EVC: variants seen among roughly 807,000 people sequenced by gnomAD.
EVC encodes EvC ciliary complex subunit 1, also known as evC complex member EVC.
A neutral mutation model predicts 118.9 loss-of-function variants in EVC; 116 were observed. The observed-to-expected ratio is 0.98, with a 90% confidence interval of 0.84 to 1.14. The LOEUF (loss-of-function observed/expected upper bound fraction) is 1.14, where lower values mean the gene tolerates loss of function less well. EVC is among the 50% of genes most tolerant of loss of function. The pLI, the probability that EVC is intolerant of heterozygous loss-of-function variation, is 0.00. For synonymous variants in EVC, 619 were observed against 534.7 expected (o/e 1.16, Z -2.18); for missense variants, 1,401 against 1,246.4 (o/e 1.12, Z -1.87).
the EVC span, among the ~76,000 whole-genome samples, chr4:5,822,493 A>AGGG: frequency 1.6e-4 from 22 of 134,158 alleles, no homozygotes; most frequent in Non-Finnish European, 1.8e-4. Flanking sequence ...GTGGATCTGA[A>AGGG]GGGGGGGGGG....
At chr4:5,715,459 T>C (rs1723781034) in intron 1 of EVC, among the ~76,000 whole-genome samples, 1 of 152,176 alleles carries the variant, frequency 6.6e-6, no homozygotes, top group African/African-American at 2.4e-5. Context: ...TACATGTTCT[T>C]AAAGTTTGAG....
chr4:5,719,315 C>T lies in EVC; in HGVS notation c.242C>T (p.Ser81Phe), dbSNP rs752462640. 1.4e-5 allele frequency: 23 copies of T among 1,614,008 alleles called. No homozygotes were observed. Among genetic ancestry groups the T allele is most frequent in the South Asian group, 5.5e-5 (5 of 91,080 alleles). ...GCGCAGACCCCCTCGGAAACTGGCT[C>T]CCCATCAAGGAGGAGGAAGAGAGAA... is the stretch of plus-strand genomic sequence containing the variant. ...SNAQTPSETG[S>F]PSRRRKREVQ... Residue 81 changes from serine (S) to phenylalanine (F), a missense_variant, in exon 2 of 21, where the codon TCC becomes TTC. Coordinates refer to ENST00000264956, the MANE Select transcript of EVC (RefSeq NM_153717.3). This position sits in a 1 kb window ranked among gnomAD's most constrained non-coding sequence, Gnocchi z 4.7.
At chr4:5,723,140 G>A (rs918416884) in intron 2 of EVC, among the ~76,000 whole-genome samples, 2 of 152,086 alleles carry the variant, frequency 1.3e-5, no homozygotes, top group Non-Finnish European at 2.9e-5. Flanking sequence ...TCCATCCCCA[G>A]GTGCTGCGCC....
chr4:5,802,827 G>A (rs772004821), intron 16 of EVC, among the ~76,000 whole-genome samples: 5 of 152,188 alleles, frequency 3.3e-5, no homozygotes, highest in African/African-American at 9.7e-5. Flanking sequence ...TGCCGCTCAC[G>A]TCTTGCTGTG....
At chr4:5,773,695 A>C (rs1446534343) in intron 11 of EVC, among the ~76,000 whole-genome samples, 1 of 152,004 alleles carries the variant, frequency 6.6e-6, no homozygotes, top group Admixed American at 6.5e-5. Context: ...TCCTTTTTTA[A>C]GGGAGTTGGC....
Position 5,731,628 on chromosome 4 carries a change from C to A in EVC, c.588C>A (p.Asn196Lys). 1.2e-6 allele frequency: 2 copies of A among 1,614,158 alleles called. No homozygotes were observed. Among genetic ancestry groups the A allele is most frequent in the Non-Finnish European group, 1.7e-6 (2 of 1,180,026 alleles). Reference protein sequence around the residue: ...RFLSRTFLRVNAFPEVLACES... With the variant: ...RFLSRTFLRVKAFPEVLACES... ...TCAGCCGCACCTTCCTCCGGGTGAA[C>A]GCCTTCCCTGAAGTGCTGGCCTGCG... The change falls in exon 4 of 21, where the codon AAC becomes AAA. Residue 196 changes from asparagine to lysine, a missense_variant. Coordinates refer to ENST00000264956, the MANE Select transcript of EVC (RefSeq NM_153717.3). This position sits in a 1 kb window ranked among gnomAD's most constrained non-coding sequence, Gnocchi z 5.6.
intron 15 of EVC, among the ~76,000 whole-genome samples, chr4:5,800,980 TCTGGC>T (rs1367962173): frequency 2.0e-5 from 3 of 152,246 alleles, no homozygotes; most frequent in African/African-American, 4.8e-5. Flanking sequence ...GATGAGCTTT[TCTGGC>T]TTTTGCCCAT....
At position 5,798,589 on chromosome 4, in the gene EVC, G is replaced by C; in HGVS notation, c.2101G>C (p.Ala701Pro). 1 of 1,562,038 alleles carries C rather than the reference G, an allele frequency of 6.4e-7. No homozygotes were observed. Among genetic ancestry groups the C allele is most frequent in the Non-Finnish European group, 8.7e-7 (1 of 1,154,172 alleles). The change falls in exon 15 of 21, where the codon GCG becomes CCG. Residue 701 changes from alanine (A) to proline (P), a missense_variant. Ala to Pro is a conservative substitution (Grantham distance 27, BLOSUM62 -1). Coordinates refer to ENST00000264956, the MANE Select transcript of EVC (RefSeq NM_153717.3). The surrounding 1 kb of genome is among the most constrained non-coding windows in gnomAD (Gnocchi z 4.1). Reference protein sequence around the residue: ...HQWQLLRALEARVLEEASRLE... With the variant: ...HQWQLLRALEPRVLEEASRLE... ...CTCCCAGTCCTTTCCCTCCCAGGAGGCGCGTGTGCTGGAGGAGGCCAGCCG... is the reference window on the plus strand; with the variant it reads ...CTCCCAGTCCTTTCCCTCCCAGGAGCCGCGTGTGCTGGAGGAGGCCAGCCG...
At chr4:5,741,432 C>T (rs1220466319) in intron 5 of EVC, among the ~76,000 whole-genome samples, 1 of 152,168 alleles carries the variant, frequency 6.6e-6, no homozygotes, top group African/African-American at 2.4e-5. Context: ...TGTGGAGGGC[C>T]TTGCACAGAG....
chr4:5,731,793 T>A lies in EVC; in HGVS notation c.617+136T>A. ...GCCAGGGACACACAGCGACCCAGCG[T>A]CACCATCGGAGCCCCAGAGGCCTTT... On this transcript the variant is annotated intron_variant, in intron 4 of 20. Transcript: ENST00000264956. The surrounding 1 kb of genome is among the most constrained non-coding windows in gnomAD (Gnocchi z 5.6). The A allele has an allele frequency of 1.1e-6, 1 of 878,844 alleles. No homozygotes were observed. The highest frequency in any genetic ancestry group is 1.4e-5 in the South Asian group (1 of 69,486). 54.4% of individuals were successfully genotyped at this position (878,844 alleles called of 1,614,324 possible).
intron 11 of EVC, among the ~76,000 whole-genome samples, chr4:5,781,168 A>G (rs1485261511): frequency 6.6e-6 from 1 of 152,144 alleles, no homozygotes; most frequent in East Asian, 1.9e-4. Flanking sequence ...GGAGACCTCG[A>G]ATTGATTTTT....
In EVC at chr4:5,743,411, A is replaced by G. The variant is rs1728903006; in HGVS notation, c.801+1597A>G. On this transcript the variant is annotated intron_variant, in intron 6 of 20. Coordinates refer to ENST00000264956, the MANE Select transcript of EVC (RefSeq NM_153717.3). The surrounding 1 kb of genome is among the most constrained non-coding windows in gnomAD (Gnocchi z 4.7). ...TGCCATCATTTTCATTATCATCATC[A>G]TTGTTATTGTCATCATTTTCATTAC... Among the ~76,000 whole-genome samples, 2 of 151,892 alleles carry G rather than the reference A, an allele frequency of 1.3e-5. No individual in the cohort carries two copies. The highest frequency in any genetic ancestry group is 2.9e-5 in the Non-Finnish European group (2 of 67,976).
intron 11 of EVC, among the ~76,000 whole-genome samples, chr4:5,764,130 A>G (rs1732492879): frequency 6.9e-6 from 1 of 144,784 alleles, no homozygotes; most frequent in Non-Finnish European, 1.5e-5. Context: ...GAATTTTGTC[A>G]AAGGCCTTTT....
chr4:5,817,534 T>C (rs1717900957), downstream of EVC, among the ~76,000 whole-genome samples: 1 of 152,210 alleles, frequency 6.6e-6, no homozygotes, highest in Non-Finnish European at 1.5e-5. Context: ...CTCTAAAATC[T>C]CTGCAGGTCT....
intron 12 of EVC, among the ~76,000 whole-genome samples, chr4:5,784,198 TC>T (rs1443119059): frequency 6.6e-6 from 1 of 151,976 alleles, no homozygotes; most frequent in African/African-American, 2.4e-5. Flanking sequence ...TATGCTGTGT[TC>T]CCTTACAGGG....
rs545087909 is a variant in EVC, at chr4:5,798,592, C to G, written c.2104C>G (p.Arg702Gly). The change falls in exon 15 of 21, where the codon CGT (arginine) becomes GGT (glycine). Residue 702 changes from arginine (R) to glycine (G), a missense_variant. Coordinates refer to ENST00000264956, the MANE Select transcript of EVC (RefSeq NM_153717.3). This position sits in a 1 kb window ranked among gnomAD's most constrained non-coding sequence, Gnocchi z 4.1. ...QWQLLRALEA[R>G]VLEEASRLEE... ...CCAGTCCTTTCCCTCCCAGGAGGCGCGTGTGCTGGAGGAGGCCAGCCGGCT... is the reference window on the plus strand; with the variant it reads ...CCAGTCCTTTCCCTCCCAGGAGGCGGGTGTGCTGGAGGAGGCCAGCCGGCT... 11 of 1,565,204 alleles carry G rather than the reference C, an allele frequency of 7.0e-6. No homozygotes were observed. The highest frequency in any genetic ancestry group is 9.5e-6 in the Non-Finnish European group (11 of 1,156,080).
intron 11 of EVC, among the ~76,000 whole-genome samples, chr4:5,771,360 C>T (rs1216060924): frequency 2.0e-5 from 3 of 152,088 alleles, no homozygotes; most frequent in African/African-American, 4.8e-5. Flanking sequence ...ACCATTACAT[C>T]TTCTCTGACT....
At chr4:5,784,698 C>T (rs1577568731) in intron 12 of EVC, among the ~76,000 whole-genome samples, 1 of 150,472 alleles carries the variant, frequency 6.6e-6, no homozygotes, top group East Asian at 2.0e-4. Flanking sequence ...ACCTCCGCCT[C>T]CCAGGTTCAA....
the EVC span, among the ~76,000 whole-genome samples, chr4:5,820,144 G>A: frequency 2.0e-5 from 3 of 152,132 alleles, no homozygotes; most frequent in African/African-American, 7.2e-5. Flanking sequence ...TTCCTCATCT[G>A]TACAATGGGG....
Sources: gnomAD v4.1 joint callset for allele counts (sites outside exome capture counted in the v4.1 genomes callset) on GRCh38, gnomAD v4.1.1 for gene constraint, Gnocchi (gnomAD v3.1) non-coding constraint, MANE v1.5 for transcripts, NCBI Gene and HGNC (gene_info 2026-07-23, HGNC 2026-07-21) for gene names.